BMPR1B: variants seen among roughly 807,000 people sequenced by gnomAD.
The protein encoded by BMPR1B is bone morphogenetic protein receptor type 1B, also known as bone morphogenetic protein receptor type-1B.
BMPR1B carries 12 observed loss-of-function variants against 59.1 expected under a neutral mutation model. The observed-to-expected ratio is 0.20, with a 90% CI of 0.13 to 0.33. The LOEUF is 0.33. Among genes scored for constraint, BMPR1B ranks in the 10% least tolerant of loss-of-function variants. BMPR1B has a pLI of 1.00. For missense variants in BMPR1B, 550 were observed against 610.9 expected (o/e 0.90, Z 1.05); for synonymous variants, 237 against 207.3 (o/e 1.14, Z -1.23).
chr4:95,050,921 G>T (rs1165470530), intron 3 of BMPR1B, among the ~76,000 whole-genome samples: 9 of 152,010 alleles, frequency 5.9e-5, no homozygotes, highest in Non-Finnish European at 1.3e-4. Flanking sequence ...TCACAAAAAT[G>T]GTCATAATTT....
rs189369943 is a variant in BMPR1B, at chr4:95,100,002, G to A, written c.-17-4406G>A. 6.6e-5 allele frequency among the ~76,000 whole-genome samples: 10 copies of A among 152,148 alleles called. No homozygotes were observed. The East Asian group carries it at 1.4e-3, about 21-fold the overall frequency. On this transcript the variant is annotated intron_variant, in intron 3 of 12. Coordinates refer to ENST00000515059, the MANE Select transcript of BMPR1B (RefSeq NM_001203.3). ...AGTTTAAATTTAAAATACATAAGTC[G>A]TTTTATTAATTTCAACATCTTAGAG...
intron 1 of BMPR1B, among the ~76,000 whole-genome samples, chr4:94,846,251 G>A (rs1489008502): frequency 6.6e-6 from 1 of 152,288 alleles, no homozygotes; most frequent in Admixed American, 6.5e-5. Context: ...GGGAAAACTG[G>A]ATATCTCTAT....
intron 1 of BMPR1B, among the ~76,000 whole-genome samples, chr4:94,844,928 C>A (rs539269949): frequency 6.6e-6 from 1 of 152,106 alleles, no homozygotes; most frequent in African/African-American, 2.4e-5. Context: ...CCCTGGCAGC[C>A]AAATATTTTC....
intron 1 of BMPR1B, among the ~76,000 whole-genome samples, chr4:94,790,329 T>C (rs534858741): frequency 2.0e-5 from 3 of 152,322 alleles, no homozygotes; most frequent in African/African-American, 7.2e-5. Context: ...TTAACCAGTG[T>C]GAGTTATTAC....
intron 3 of BMPR1B, among the ~76,000 whole-genome samples, chr4:95,045,900 A>C (rs1726017092): frequency 6.6e-6 from 1 of 152,224 alleles, no homozygotes; most frequent in Admixed American, 6.5e-5. Flanking sequence ...ATATAAACAT[A>C]AGATCAGGAG....
chr4:95,137,433 T>C (rs1733882448), intron 10 of BMPR1B, among the ~76,000 whole-genome samples: 1 of 152,222 alleles, frequency 6.6e-6, no homozygotes, highest in South Asian at 2.1e-4. Flanking sequence ...GTCTGCTTGG[T>C]GCAGAGCTGA....
intron 3 of BMPR1B, among the ~76,000 whole-genome samples, chr4:95,055,831 A>G (rs2149196291): frequency 6.6e-6 from 1 of 152,368 alleles, no homozygotes; most frequent in East Asian, 1.9e-4. Flanking sequence ...AAACTTGTAA[A>G]TTACAAATAT....
chr4:95,005,152 C>CT (rs1722730828), intron 3 of BMPR1B, among the ~76,000 whole-genome samples: 1 of 151,934 alleles, frequency 6.6e-6, no homozygotes, highest in Admixed American at 6.6e-5. Flanking sequence ...AGTGTATGTT[C>CT]CTTCTAGTTA....
At chr4:94,915,661 G>A (rs1320856896) in intron 2 of BMPR1B, among the ~76,000 whole-genome samples, 1 of 152,086 alleles carries the variant, frequency 6.6e-6, no homozygotes. Context: ...CAATTTTTAG[G>A]TATGATTTAT....
chr4:95,121,132 A>G (rs1395258604), intron 6 of BMPR1B, among the ~76,000 whole-genome samples: 1 of 152,106 alleles, frequency 6.6e-6, no homozygotes, highest in Non-Finnish European at 1.5e-5. Context: ...CTATACACCA[A>G]TAACATCCAG....
intron 2 of BMPR1B, among the ~76,000 whole-genome samples, chr4:94,916,424 C>G (rs1728485951): frequency 6.6e-6 from 1 of 152,152 alleles, no homozygotes; most frequent in Non-Finnish European, 1.5e-5. Flanking sequence ...GGGAACTGGA[C>G]CAAAGGTCAT....
intron 3 of BMPR1B, among the ~76,000 whole-genome samples, chr4:95,005,947 A>G (rs764964445): frequency 6.6e-6 from 1 of 152,180 alleles, no homozygotes; most frequent in Non-Finnish European, 1.5e-5. Context: ...AATTAATGGT[A>G]ACGTCAACAT....
In BMPR1B at chr4:95,057,032, T is replaced by C. The variant is rs997420395; in HGVS notation, c.-17-47376T>C. 2.6e-5 allele frequency among the ~76,000 whole-genome samples: 4 copies of C among 152,228 alleles called. No individual in the cohort carries two copies. In the East Asian group the frequency reaches 5.8e-4, roughly 22 times the overall value. On this transcript the variant is annotated intron_variant, in intron 3 of 12. Coordinates refer to ENST00000515059, the MANE Select transcript of BMPR1B (RefSeq NM_001203.3). The stretch of plus-strand genomic sequence containing the variant: ...ACATATCATAATTTATCATTATACA[T>C]GTCACTCTCCTGCTGGAAGCTAAGC...
chr4:94,897,073 G>T (rs1315380524), intron 2 of BMPR1B, among the ~76,000 whole-genome samples: 1 of 152,018 alleles, frequency 6.6e-6, no homozygotes, highest in African/African-American at 2.4e-5. Flanking sequence ...GCCAGTCAGA[G>T]TGGGTTTGAG....
intron 1 of BMPR1B, among the ~76,000 whole-genome samples, chr4:94,802,095 G>T (rs573650812): frequency 7.9e-5 from 12 of 152,270 alleles, no homozygotes; most frequent in Middle Eastern, 3.4e-3. Flanking sequence ...TTTCCCTGGG[G>T]GCAAGAAGTG....
chr4:94,768,936 A>G (rs182729725), intron 1 of BMPR1B, among the ~76,000 whole-genome samples: 1 of 152,276 alleles, frequency 6.6e-6, no homozygotes, highest in East Asian at 1.9e-4. Context: ...TTATTCCTTT[A>G]TATAATCTCT....
At chr4:95,078,463 G>C (rs1025325304) in intron 3 of BMPR1B, among the ~76,000 whole-genome samples, 2 of 152,068 alleles carry the variant, frequency 1.3e-5, no homozygotes, top group East Asian at 1.9e-4. Flanking sequence ...TGTACTAAGT[G>C]CGTTATATCA....
intron 1 of BMPR1B, among the ~76,000 whole-genome samples, chr4:94,772,168 C>T (rs1160388657): frequency 1.3e-5 from 2 of 152,216 alleles, no homozygotes; most frequent in African/African-American, 2.4e-5. Flanking sequence ...GAAATGACTG[C>T]AGCAGTTTTC....
In BMPR1B at chr4:94,943,960, C is replaced by T. The variant is rs781292641; in HGVS notation, c.-112-52080C>T. ...CTGAAAATCCTAAATCCAAAATGCT[C>T]CAAAACCCTAACCCTTTTGAGTACC... On this transcript the variant is annotated intron_variant, in intron 2 of 12. Transcript: ENST00000515059. Among the ~76,000 whole-genome samples, 4 of 152,090 alleles carry T rather than the reference C, an allele frequency of 2.6e-5. No individual in the cohort carries two copies. The East Asian group carries it at 5.8e-4, about 22-fold the overall frequency.
Sources: allele counts gnomAD v4.1 joint callset (sites outside exome capture counted in the v4.1 genomes callset), GRCh38; gene constraint gnomAD v4.1.1; transcripts MANE v1.5; gene names NCBI Gene and HGNC (gene_info 2026-07-23, HGNC 2026-07-21).